Variants in ABI3BP observed in about 807,000 individuals in gnomAD.
ABI3BP encodes the protein target of Nesh-SH3.
In ABI3BP, 216 loss-of-function variants were observed where a neutral mutation model predicts 268.6. The observed-to-expected ratio is 0.80, with a 90% CI of 0.72 to 0.90. ABI3BP has a LOEUF of 0.90. Ranked by LOEUF, ABI3BP falls within the 40% of genes least tolerant of loss-of-function variation. ABI3BP has a pLI of 0.00. For missense variants in ABI3BP, 2,090 were observed against 2,182.4 expected (o/e 0.96, Z 0.84); for synonymous variants, 730 against 730.0 (o/e 1.00, Z 0.00).
At chr3:100,801,926 C>T (rs1029833935) in intron 51 of ABI3BP, among the ~76,000 whole-genome samples, 7 of 152,118 alleles carry the variant, frequency 4.6e-5, no homozygotes, top group South Asian at 2.1e-4. Flanking sequence ...CAATTCTAAA[C>T]GTATTGTCTT....
At position 100,969,167 on chromosome 3, in the gene ABI3BP, C is replaced by T. The variant is rs116508792; in HGVS notation, c.79+24139G>A. 5.1e-3 allele frequency among the ~76,000 whole-genome samples: 783 copies of T among 152,254 alleles called. 3 individuals are homozygous for T. Among genetic ancestry groups the T allele is most frequent in the African/African-American group, 0.018 (740 of 41,540 alleles). On this transcript the variant is annotated intron_variant, in intron 1 of 67. Transcript: ENST00000471714. ...CAGACTTGAATCAGAGCCAGGACTTCCACACATACAGCCTGCAGTAAGCCA... is the reference window on the plus strand; with the variant it reads ...CAGACTTGAATCAGAGCCAGGACTTTCACACATACAGCCTGCAGTAAGCCA...
Position 100,808,144 on chromosome 3 carries a change from G to A in ABI3BP, c.3682+17C>T, listed in dbSNP as rs190618937. 27 of 1,606,552 alleles carry A rather than the reference G, an allele frequency of 1.7e-5. No individual in the cohort carries two copies. The South Asian group carries it at 2.6e-4, about 15-fold the overall frequency. On this transcript the variant is annotated intron_variant, in intron 50 of 67. Coordinates refer to ENST00000471714, the MANE Select transcript of ABI3BP (RefSeq NM_001375547.2). The stretch of plus-strand genomic sequence containing the variant: ...AACCTCAAACTTTTCAAGCTAAAAT[G>A]TAAAATATATATTTACCTGGTTGTG...
intron 1 of ABI3BP, among the ~76,000 whole-genome samples, chr3:100,971,194 C>G (rs1257243805): frequency 3.3e-5 from 5 of 152,032 alleles, no homozygotes; most frequent in Non-Finnish European, 5.9e-5. Flanking sequence ...TTTTCCAGGA[C>G]CCAGTTGACA....
chr3:100,932,854 C>T (rs1380400572), intron 1 of ABI3BP, among the ~76,000 whole-genome samples: 1 of 152,086 alleles, frequency 6.6e-6, no homozygotes, highest in African/African-American at 2.4e-5. Flanking sequence ...TGGGTATATA[C>T]CCAAAGGAAT....
chr3:100,810,427 G>A lies in ABI3BP; in HGVS notation c.3592C>T (p.Pro1198Ser), dbSNP rs561519807. ...QSITLPSPDE[P>S]QTEPAPKQTP... The stretch of plus-strand genomic sequence containing the variant: ...ATGTATTTACCAGGTTCAGTCTGAG[G>A]CTCATCTGGGCTGGGTAGGGTTATA... The change falls in exon 49 of 68, where the codon CCT becomes TCT. Residue 1198 changes from proline (P) to serine (S), a missense_variant. Physicochemically the swap from Pro to Ser is moderately conservative, Grantham distance 74 (BLOSUM62 -1). Coordinates refer to ENST00000471714, the MANE Select transcript of ABI3BP (RefSeq NM_001375547.2). 20 of 1,534,628 alleles carry A rather than the reference G, an allele frequency of 1.3e-5. No homozygotes were observed. In the African/African-American group the frequency reaches 2.3e-4, roughly 18 times the overall value.
At chr3:100,771,430 T>A (rs958342149) in intron 61 of ABI3BP, among the ~76,000 whole-genome samples, 5 of 152,010 alleles carry the variant, frequency 3.3e-5, no homozygotes, top group Non-Finnish European at 7.4e-5. Flanking sequence ...GTAAAATTCA[T>A]AGGAAAATAT....
intron 4 of ABI3BP, among the ~76,000 whole-genome samples, chr3:100,895,916 AT>A (rs1157155987): frequency 2.6e-5 from 4 of 152,068 alleles, no homozygotes; most frequent in Non-Finnish European, 5.9e-5. Flanking sequence ...CGGGGCTATT[AT>A]TTTTTTCCTC....
Position 100,808,181 on chromosome 3 carries a change from C to A in ABI3BP, c.3662G>T (p.Arg1221Ile), listed in dbSNP as rs541159520. 5 of 1,611,248 alleles carry A rather than the reference C, an allele frequency of 3.1e-6. No individual in the cohort carries two copies. In the Admixed American group the frequency reaches 8.4e-5, roughly 27 times the overall value. The change falls in exon 50 of 68, where the codon AGA becomes ATA. Residue 1221 changes from arginine (R) to isoleucine (I), a missense_variant. Coordinates refer to ENST00000471714, the MANE Select transcript of ABI3BP (RefSeq NM_001375547.2). ...PPKPKTSPRPRIPQTQPVPKV... is the reference protein window; with the variant it reads ...PPKPKTSPRPIIPQTQPVPKV... ...TTTACCTGGTTGTGTTTGTGGGATT[C>A]TTGGGCGTGGTGATGTTTTTGGCTT...
chr3:100,972,096 C>A (rs755677924), intron 1 of ABI3BP, among the ~76,000 whole-genome samples: 6 of 152,110 alleles, frequency 3.9e-5, no homozygotes, highest in Non-Finnish European at 7.3e-5. Flanking sequence ...ACCTCACTAG[C>A]TCCATGCATC....
Position 100,968,385 on chromosome 3 carries a change from A to C in ABI3BP, c.79+24921T>G, listed in dbSNP as rs145183202. Among the ~76,000 whole-genome samples, 638 of 152,350 alleles carry C rather than the reference A, an allele frequency of 4.2e-3. 4 individuals are homozygous for C. The highest frequency in any genetic ancestry group is 0.015 in the African/African-American group (621 of 41,574). On this transcript the variant is annotated intron_variant, in intron 1 of 67. Coordinates refer to ENST00000471714, the MANE Select transcript of ABI3BP (RefSeq NM_001375547.2). ...TCACTTTATTATTCTCTTGCATAAT[A>C]AGAAATGTATACAGCTATACAAGAA...
chr3:100,864,595 T>G, intron 11 of ABI3BP: 1 of 491,516 alleles, frequency 2.0e-6, no homozygotes, highest in South Asian at 2.8e-5. Context: ...GGCATTTAGT[T>G]AGCAATTAGC....
Position 100,816,030 on chromosome 3 carries a change from T to C in ABI3BP, c.3230-59A>G, listed in dbSNP as rs540381522. ...CTTAAAGACTTTTTAAAAAAAATCC[T>C]CAATTTTTATTTTAAAACATGAGTT... is the stretch of plus-strand genomic sequence containing the variant. On this transcript the variant is annotated intron_variant, in intron 43 of 67. Coordinates refer to ENST00000471714, the MANE Select transcript of ABI3BP (RefSeq NM_001375547.2). The C allele has an allele frequency of 1.8e-5, 22 of 1,244,606 alleles. No homozygotes were observed. The African/African-American group carries it at 2.0e-4, about 11-fold the overall frequency. The allele number at this position is 1,244,606 out of a possible 1,614,324, so 77.1% of individuals were successfully genotyped here.
At chr3:100,871,511 T>C (rs189757960) in intron 9 of ABI3BP, among the ~76,000 whole-genome samples, 65 of 152,254 alleles carry the variant, frequency 4.3e-4, no homozygotes, top group Middle Eastern at 3.4e-3. Context: ...TGGGAGGTGA[T>C]TGAATCATCA....
At chr3:100,920,387 C>T (rs970734977) in intron 2 of ABI3BP, among the ~76,000 whole-genome samples, 1 of 152,010 alleles carries the variant, frequency 6.6e-6, no homozygotes, top group Non-Finnish European at 1.5e-5. Context: ...TAAAACATGC[C>T]TACTCTGTGC....
intron 1 of ABI3BP, among the ~76,000 whole-genome samples, chr3:100,975,392 A>T (rs760596803): frequency 6.6e-6 from 1 of 152,126 alleles, no homozygotes; most frequent in Non-Finnish European, 1.5e-5. Flanking sequence ...CCCAGCTGTG[A>T]TCTAGCTGCC....
intron 1 of ABI3BP, among the ~76,000 whole-genome samples, chr3:100,967,876 G>A (rs1176630673): frequency 2.6e-5 from 4 of 152,038 alleles, no homozygotes; most frequent in Admixed American, 6.6e-5. Context: ...CTCACAAGGG[G>A]CACAGAAAAA....
intron 4 of ABI3BP, among the ~76,000 whole-genome samples, chr3:100,887,168 G>A (rs979978689): frequency 3.9e-5 from 6 of 152,000 alleles, no homozygotes; most frequent in African/African-American, 9.6e-5. Context: ...TGGCAGAATC[G>A]AAATACAAAG....
At chr3:100,801,923 A>T (rs1458325415) in intron 51 of ABI3BP, among the ~76,000 whole-genome samples, 1 of 152,222 alleles carries the variant, frequency 6.6e-6, no homozygotes, top group Non-Finnish European at 1.5e-5. Context: ...GCTCAATTCT[A>T]AACGTATTGT....
chr3:100,872,165 G>A (rs971261121), intron 9 of ABI3BP, among the ~76,000 whole-genome samples: 1 of 152,040 alleles, frequency 6.6e-6, no homozygotes, highest in South Asian at 2.1e-4. Context: ...TTTAAGATAG[G>A]CACTTCCCTC....
Sources: allele counts gnomAD v4.1 joint callset (sites outside exome capture counted in the v4.1 genomes callset), GRCh38; gene constraint gnomAD v4.1.1; transcripts MANE v1.5; gene names NCBI Gene and HGNC (gene_info 2026-07-23, HGNC 2026-07-21).